RBFOX1: variants seen among roughly 807,000 people sequenced by gnomAD.
RBFOX1 encodes RNA binding fox-1 homolog 1, also known as RNA binding protein fox-1 homolog 1.
Under a neutral mutation model 57.7 loss-of-function variants are expected in RBFOX1, and 8 were observed. That is an observed-to-expected ratio of 0.14 (90% CI 0.08 to 0.25). The LOEUF (loss-of-function observed/expected upper bound fraction) is 0.25, where lower values mean the gene tolerates loss of function less well. Among genes scored for constraint, RBFOX1 ranks in the 10% least tolerant of loss-of-function variants. The pLI is 1.00. For missense variants in RBFOX1, 611 were observed against 548.5 expected, an observed-to-expected ratio of 1.11 and a Z score of -1.14; for synonymous variants, 326 against 222.4, an observed-to-expected ratio of 1.47 and a Z score of -4.15.
intron 2 of RBFOX1, among the ~76,000 whole-genome samples, chr16:6,642,151 A>G (rs12922963): frequency 0.063 from 9,607 of 152,272 alleles, 399 homozygotes; most frequent in Non-Finnish European, 0.091. Context: ...GACAGAAGGC[A>G]GGCGACAAAC....
intron 3 of RBFOX1, among the ~76,000 whole-genome samples, chr16:5,640,655 T>G (rs1371732525): frequency 6.7e-6 from 1 of 149,388 alleles, no homozygotes; most frequent in East Asian, 2.0e-4. Context: ...ATGCACAGCA[T>G]GCATACACAT....
chr16:5,466,960 G>A (rs2068971498), intron 1 of RBFOX1, among the ~76,000 whole-genome samples: 1 of 152,056 alleles, frequency 6.6e-6, no homozygotes, highest in Non-Finnish European at 1.5e-5. Context: ...TTATTGGTTA[G>A]CTTCCTTATT....
chr16:5,462,358 C>G (rs551702708), intron 1 of RBFOX1, among the ~76,000 whole-genome samples: 1 of 151,688 alleles, frequency 6.6e-6, no homozygotes, highest in Non-Finnish European at 1.5e-5. Flanking sequence ...TTAGTAGAGA[C>G]GGGGTTTCAC....
At position 7,005,158 on chromosome 16, in the gene RBFOX1, G is replaced by GA. The variant is rs922706253; in HGVS notation, c.-15-46891dup. 1.6e-3 allele frequency among the ~76,000 whole-genome samples: 237 copies of GA among 151,010 alleles called. 1 individual carries two copies. The highest frequency in any genetic ancestry group is 5.4e-3 in the African/African-American group (222 of 40,984). Reference sequence around the variant, plus strand: ...AGATTCCATCTCAAAAACAAAAAACGAAAAAAAACCCAAAACTAAACAAAA... The same window carrying GA: ...AGATTCCATCTCAAAAACAAAAAACGAAAAAAAAACCCAAAACTAAACAAAA... On this transcript the variant is annotated intron_variant, in intron 3 of 15. Coordinates refer to ENST00000550418, the MANE Select transcript of RBFOX1 (RefSeq NM_018723.4).
intron 3 of RBFOX1, among the ~76,000 whole-genome samples, chr16:6,670,402 A>G (rs575666582): frequency 6.6e-6 from 1 of 152,234 alleles, no homozygotes; most frequent in Admixed American, 6.5e-5. Flanking sequence ...ATCTATTCAG[A>G]TTGAGTTTTC....
At chr16:5,554,547 A>T (rs182414576) in intron 2 of RBFOX1, among the ~76,000 whole-genome samples, 14 of 152,286 alleles carry the variant, frequency 9.2e-5, no homozygotes, top group Admixed American at 9.2e-4. Flanking sequence ...AGCAACTTCA[A>T]TCAGATAGTG....
chr16:5,587,908 G>C (rs780150384), intron 2 of RBFOX1, among the ~76,000 whole-genome samples: 3 of 152,132 alleles, frequency 2.0e-5, no homozygotes, highest in African/African-American at 7.2e-5. Context: ...ACGTGTGCGG[G>C]AATGCTCACA....
intron 4 of RBFOX1, among the ~76,000 whole-genome samples, chr16:7,498,564 A>C (rs921867878): frequency 6.6e-6 from 1 of 152,200 alleles, no homozygotes; most frequent in Non-Finnish European, 1.5e-5. Flanking sequence ...AATTTTATTT[A>C]CCCAGTATAT....
chr16:6,641,288 GA>G (rs2098485456), intron 2 of RBFOX1, among the ~76,000 whole-genome samples: 2 of 152,148 alleles, frequency 1.3e-5, no homozygotes, highest in Non-Finnish European at 2.9e-5. Flanking sequence ...CAAGGACCTA[GA>G]GGACAGCATT....
intron 3 of RBFOX1, among the ~76,000 whole-genome samples, chr16:7,047,150 G>C (rs150966682): frequency 6.7e-6 from 1 of 149,748 alleles, no homozygotes; most frequent in Non-Finnish European, 1.5e-5. Flanking sequence ...TCCATTTCCA[G>C]CTCTTCCTTT....
chr16:6,258,465 T>C (rs568077397), intron 1 of RBFOX1, among the ~76,000 whole-genome samples: 6 of 152,204 alleles, frequency 3.9e-5, no homozygotes, highest in Non-Finnish European at 1.5e-5. Flanking sequence ...CATGTACCGA[T>C]GAATTTTACA....
chr16:6,936,641 TTATGAC>T (rs2077410234), intron 3 of RBFOX1, among the ~76,000 whole-genome samples: 1 of 152,090 alleles, frequency 6.6e-6, no homozygotes, highest in Admixed American at 6.6e-5. Flanking sequence ...TATAAGGTAA[TTATGAC>T]TATGACCGCT....
At chr16:7,616,814 G>T (rs1015615026) in intron 10 of RBFOX1, among the ~76,000 whole-genome samples, 2 of 152,038 alleles carry the variant, frequency 1.3e-5, no homozygotes, top group African/African-American at 4.8e-5. Context: ...TTACAAGTAT[G>T]AGCCACCATG....
At chr16:7,296,377 G>C (rs1211476123) in intron 4 of RBFOX1, among the ~76,000 whole-genome samples, 5 of 151,144 alleles carry the variant, frequency 3.3e-5, no homozygotes, top group Non-Finnish European at 7.4e-5. Context: ...ACCTTGGCAA[G>C]AAATTTAAAA....
chr16:6,878,758 A>G (rs1603635697), intron 3 of RBFOX1, among the ~76,000 whole-genome samples: 2 of 152,280 alleles, frequency 1.3e-5, no homozygotes, highest in African/African-American at 4.8e-5. Context: ...GAGTTTAAGG[A>G]CCCTGACAAT....
At chr16:6,014,601 C>A (rs916043840), upstream of RBFOX1, among the ~76,000 whole-genome samples, 3 of 152,136 alleles carry the variant, frequency 2.0e-5, no homozygotes, top group African/African-American at 7.2e-5. Flanking sequence ...AGGTGCAATC[C>A]ATTCCCCTGT....
At chr16:5,642,298 C>T (rs2048905856) in intron 3 of RBFOX1, among the ~76,000 whole-genome samples, 1 of 152,182 alleles carries the variant, frequency 6.6e-6, no homozygotes, top group Non-Finnish European at 1.5e-5. Flanking sequence ...GAATATCTTT[C>T]TTTAAGCAGC....
intron 4 of RBFOX1, among the ~76,000 whole-genome samples, chr16:5,913,125 G>T (rs1024054290): frequency 6.6e-6 from 1 of 152,128 alleles, no homozygotes; most frequent in Admixed American, 6.6e-5. Context: ...TCTCTTTCTT[G>T]GTCTAGAAAT....
intron 5 of RBFOX1, chr16:7,519,630 A>G (rs781365459): frequency 6.8e-4 from 599 of 887,290 alleles, no homozygotes; most frequent in Non-Finnish European, 7.8e-4. Context: ...CCTGTATGGA[A>G]CATGCATTTG....
Sources: allele counts gnomAD v4.1 joint callset (sites outside exome capture counted in the v4.1 genomes callset), GRCh38; gene constraint gnomAD v4.1.1; transcripts MANE v1.5; gene names NCBI Gene and HGNC (gene_info 2026-07-23, HGNC 2026-07-21).